The following VCL variants were observed in gnomAD, a reference collection of about 807,000 sequenced individuals.
VCL encodes epididymis luminal protein 114.
A neutral mutation model predicts 125.7 loss-of-function variants in VCL; 47 were observed. The ratio of observed to expected loss-of-function variants is 0.37; its 90% CI spans 0.30 to 0.48. The LOEUF is 0.48. Among genes scored for constraint, VCL ranks in the 20% least tolerant of loss-of-function variants. The pLI, the probability that VCL is intolerant of heterozygous loss-of-function variation, is 0.99. For synonymous variants in VCL, 458 were observed against 514.6 expected (o/e 0.89, Z 1.49); for missense variants, 1,069 against 1,455.5 (o/e 0.73, Z 4.32).
At chr10:74,073,284 AG>A (rs765327950) in intron 5 of VCL, among the ~76,000 whole-genome samples, 1 of 152,170 alleles carries the variant, frequency 6.6e-6, no homozygotes, top group Non-Finnish European at 1.5e-5. Flanking sequence ...CCTTCAGCCT[AG>A]GTAAAAATGA....
chr10:74,033,671 T>C (rs1840923231), intron 1 of VCL, among the ~76,000 whole-genome samples: 1 of 152,348 alleles, frequency 6.6e-6, no homozygotes, highest in South Asian at 2.1e-4. Flanking sequence ...TCCATGGCTT[T>C]TAGAACGTCT....
intron 14 of VCL, among the ~76,000 whole-genome samples, chr10:74,102,240 T>C (rs1481339000): frequency 6.6e-6 from 1 of 151,922 alleles, no homozygotes; most frequent in Non-Finnish European, 1.5e-5. Flanking sequence ...GAGAGTTTTT[T>C]TTTTTTTTTT....
intron 1 of VCL, among the ~76,000 whole-genome samples, chr10:74,018,493 C>T (rs1840602497): frequency 1.3e-5 from 2 of 152,104 alleles, no homozygotes; most frequent in East Asian, 1.9e-4. Flanking sequence ...AAGTTCATTC[C>T]ACTTTAGAGA....
At chr10:74,095,408 T>A (rs999638983) in intron 11 of VCL, among the ~76,000 whole-genome samples, 1 of 152,056 alleles carries the variant, frequency 6.6e-6, no homozygotes, top group South Asian at 2.1e-4. Context: ...CTGGGCAACA[T>A]AGTGAGACCC....
intron 1 of VCL, among the ~76,000 whole-genome samples, chr10:74,033,589 C>T (rs932260376): frequency 1.8e-4 from 27 of 152,266 alleles, no homozygotes; most frequent in African/African-American, 5.8e-4. Context: ...TTCTTTCCAG[C>T]TTTTTTCACC....
At chr10:74,010,619 A>C (rs1275482569) in intron 1 of VCL, among the ~76,000 whole-genome samples, 2 of 151,794 alleles carry the variant, frequency 1.3e-5, no homozygotes, top group Admixed American at 6.6e-5. Flanking sequence ...CTATATATAG[A>C]TGCACCAGCT....
chr10:74,106,177 C>A (rs1469812094), intron 16 of VCL, among the ~76,000 whole-genome samples: 1 of 152,136 alleles, frequency 6.6e-6, no homozygotes, highest in Non-Finnish European at 1.5e-5. Flanking sequence ...CCGCCTTGGC[C>A]TCCCAAAGTG....
intron 1 of VCL, among the ~76,000 whole-genome samples, chr10:74,020,614 G>C (rs1406453595): frequency 6.6e-6 from 1 of 152,066 alleles, no homozygotes; most frequent in African/African-American, 2.4e-5. Flanking sequence ...ACCGAGGTGG[G>C]TGGACCACTT....
chr10:74,046,236 C>A (rs116164897), intron 2 of VCL, among the ~76,000 whole-genome samples: 9 of 152,026 alleles, frequency 5.9e-5, no homozygotes, highest in African/African-American at 2.2e-4. Flanking sequence ...ACATGCCATC[C>A]GATCAGCCTG....
intron 1 of VCL, among the ~76,000 whole-genome samples, chr10:74,028,122 C>G (rs999415837): frequency 1.3e-5 from 2 of 152,130 alleles, no homozygotes; most frequent in Admixed American, 1.3e-4. Context: ...GTTGCCCAGG[C>G]CAGAGTGCAG....
chr10:73,998,725 C>T (rs1840165707), intron 1 of VCL, among the ~76,000 whole-genome samples: 1 of 152,198 alleles, frequency 6.6e-6, no homozygotes, highest in Non-Finnish European at 1.5e-5. Context: ...TCCGAGGGTC[C>T]CTGCCCCGCG....
chr10:74,000,384 C>T (rs1374679512), intron 1 of VCL, among the ~76,000 whole-genome samples: 1 of 151,550 alleles, frequency 6.6e-6, no homozygotes, highest in Non-Finnish European at 1.5e-5. Context: ...CCCACCTCAG[C>T]CTCCCAAGTA....
intron 2 of VCL, among the ~76,000 whole-genome samples, chr10:74,054,955 A>G (rs1327779065): frequency 1.3e-5 from 2 of 152,040 alleles, no homozygotes; most frequent in South Asian, 2.1e-4. Context: ...CAACAACAAA[A>G]TAATAATAGT....
intron 14 of VCL, among the ~76,000 whole-genome samples, chr10:74,102,589 A>T (rs1172317953): frequency 6.6e-6 from 1 of 152,244 alleles, no homozygotes; most frequent in Non-Finnish European, 1.5e-5. Flanking sequence ...TGGGGGAAAT[A>T]AACATGTCTC....
intron 2 of VCL, among the ~76,000 whole-genome samples, chr10:74,058,717 G>T (rs1841427623): frequency 6.6e-6 from 1 of 151,952 alleles, no homozygotes; most frequent in Non-Finnish European, 1.5e-5. Context: ...TTTGTCTAAA[G>T]CTCTCCTTTC....
intron 1 of VCL, among the ~76,000 whole-genome samples, chr10:74,019,753 A>G (rs1840625927): frequency 6.6e-6 from 1 of 152,242 alleles, no homozygotes; most frequent in Non-Finnish European, 1.5e-5. Context: ...ATGAATCAGT[A>G]AAGTAAATGT....
chr10:74,103,751 G>T, intron 14 of VCL, 69 bp from the exon 15 acceptor site: 1 of 1,443,292 alleles, frequency 6.9e-7, no homozygotes, highest in Non-Finnish European at 9.7e-7. Context: ...AGAGGAGAAA[G>T]CTTGGCTGAA....
chr10:74,031,963 C>T (rs2136240795), intron 1 of VCL, among the ~76,000 whole-genome samples: 2 of 146,708 alleles, frequency 1.4e-5, no homozygotes, highest in East Asian at 4.1e-4. Context: ...ACTTGGGAGG[C>T]TGAGGCAGGA....
At position 74,028,109 on chromosome 10, in the gene VCL, CCT is replaced by C. The variant is rs1455960076; in HGVS notation, c.169-14973_169-14972del. Among the ~76,000 whole-genome samples the C allele has an allele frequency of 2.6e-5, 4 of 152,070 alleles. No homozygotes were observed. The East Asian group carries it at 5.8e-4, about 22-fold the overall frequency. On this transcript the variant is annotated intron_variant, in intron 1 of 21. Coordinates refer to ENST00000211998, the MANE Select transcript of VCL (RefSeq NM_014000.3). Reference sequence around the variant, plus strand: ...TTTGTTTTTTAAGACAGGATCTCCCCCTGTTGCCCAGGCCAGAGTGCAGTGGT... The same window carrying C: ...TTTGTTTTTTAAGACAGGATCTCCCCGTTGCCCAGGCCAGAGTGCAGTGGT...
Sources: gnomAD v4.1 joint callset for allele counts (sites outside exome capture counted in the v4.1 genomes callset) on GRCh38, gnomAD v4.1.1 for gene constraint, MANE v1.5 for transcripts, NCBI Gene and HGNC (gene_info 2026-07-23, HGNC 2026-07-21) for gene names.